The following SLC25A21 variants were observed in gnomAD, a reference collection of about 807,000 sequenced individuals.
SLC25A21 encodes the protein solute carrier family 25 member 21, also known as mitochondrial 2-oxodicarboxylate carrier.
SLC25A21 carries 47 observed loss-of-function variants against 43.8 expected under a neutral mutation model. That is an observed-to-expected ratio of 1.07 (90% CI 0.85 to 1.37). The LOEUF is 1.37. Ranked by LOEUF, SLC25A21 falls within the 40% of genes most tolerant of loss-of-function variation. The pLI, the probability that SLC25A21 is intolerant of heterozygous loss-of-function variation, is 0.00. For missense variants in SLC25A21, 352 were observed against 350.2 expected, an observed-to-expected ratio of 1.00 and a Z score of -0.04; for synonymous variants, 131 against 121.3, an observed-to-expected ratio of 1.08 and a Z score of -0.52.
chr14:37,048,656 C>A (rs1961640266), intron 1 of SLC25A21, among the ~76,000 whole-genome samples: 1 of 152,082 alleles, frequency 6.6e-6, no homozygotes, highest in Admixed American at 6.5e-5. Context: ...AGGTCCAAAA[C>A]TTTACTCTGG....
intron 1 of SLC25A21, 64 bp from the exon 2 acceptor site, chr14:36,875,068 C>A (rs1890481250): frequency 1.4e-6 from 2 of 1,402,332 alleles, no homozygotes; most frequent in Non-Finnish European, 2.0e-6. Context: ...TTTCCTTGAT[C>A]CCGTCGATTT....
At chr14:36,768,273 A>T (rs1196798636) in intron 3 of SLC25A21, among the ~76,000 whole-genome samples, 1 of 152,204 alleles carries the variant, frequency 6.6e-6, no homozygotes, top group Non-Finnish European at 1.5e-5. Flanking sequence ...CAAGCTAGAG[A>T]TACACATAAT....
At chr14:36,973,023 ATTTTAT>A (rs1401698868) in intron 1 of SLC25A21, among the ~76,000 whole-genome samples, 2 of 61,976 alleles carry the variant, frequency 3.2e-5, no homozygotes, top group Admixed American at 3.3e-4. Flanking sequence ...TTATTTATTT[ATTTTAT>A]TTTATTTTAT....
chr14:37,027,241 C>T (rs767916104), intron 1 of SLC25A21, among the ~76,000 whole-genome samples: 8 of 115,950 alleles, frequency 6.9e-5, no homozygotes, highest in Admixed American at 1.5e-4. Flanking sequence ...AATGACTTGA[C>T]AGCTAATACA....
At chr14:36,781,699 A>G (rs1234457220) in intron 3 of SLC25A21, among the ~76,000 whole-genome samples, 1 of 152,220 alleles carries the variant, frequency 6.6e-6, no homozygotes, top group East Asian at 1.9e-4. Flanking sequence ...AATTGTAGTT[A>G]TAATAATTGC....
chr14:36,744,907 C>T (rs184483764), intron 3 of SLC25A21, among the ~76,000 whole-genome samples: 32 of 151,826 alleles, frequency 2.1e-4, no homozygotes, highest in Admixed American at 1.2e-3. Context: ...ATGTACACAA[C>T]GTGCAGGTTT....
intron 1 of SLC25A21, among the ~76,000 whole-genome samples, chr14:36,920,695 T>C (rs1399165435): frequency 2.0e-5 from 3 of 151,922 alleles, no homozygotes; most frequent in Non-Finnish European, 4.4e-5. Flanking sequence ...ATAACTACAG[T>C]AGACAAAAGC....
At chr14:36,915,673 T>C (rs1201046866) in intron 1 of SLC25A21, among the ~76,000 whole-genome samples, 3 of 152,132 alleles carry the variant, frequency 2.0e-5, no homozygotes, top group Non-Finnish European at 4.4e-5. Flanking sequence ...TTGAGGTTCC[T>C]GCTGTGACAT....
intron 1 of SLC25A21, among the ~76,000 whole-genome samples, chr14:37,159,765 TAATC>T (rs753351986): frequency 3.1e-4 from 47 of 152,082 alleles, no homozygotes; most frequent in Non-Finnish European, 5.4e-4. Context: ...GCAAAAGAAA[TAATC>T]AACAGTGAAG....
At chr14:36,871,253 T>G (rs1216726931) in intron 2 of SLC25A21, among the ~76,000 whole-genome samples, 1 of 151,818 alleles carries the variant, frequency 6.6e-6, no homozygotes, top group Non-Finnish European at 1.5e-5. Flanking sequence ...GACCCTGGAG[T>G]GATGCCTTGC....
chr14:36,761,078 A>G (rs1749928), intron 3 of SLC25A21, among the ~76,000 whole-genome samples: 24,551 of 152,184 alleles, frequency 0.16, 2,237 homozygotes, highest in Middle Eastern at 0.25. Flanking sequence ...CCACAGAGAT[A>G]TTCCTCTTCC....
At chr14:36,948,801 T>G (rs892061787) in intron 1 of SLC25A21, among the ~76,000 whole-genome samples, 4 of 152,106 alleles carry the variant, frequency 2.6e-5, no homozygotes, top group Non-Finnish European at 5.9e-5. Context: ...TCATTAATAT[T>G]TTAAATTAAA....
At position 36,778,950 on chromosome 14, in the gene SLC25A21, T is replaced by C. The variant is rs184804524; in HGVS notation, c.203+34968A>G. On this transcript the variant is annotated intron_variant, in intron 3 of 9. Transcript: ENST00000331299. ...TGTATTCACCTTATAACTGAAAGTT[T>C]GTATGCTTTGACCAGCATTTATCCT... 1.5e-3 allele frequency among the ~76,000 whole-genome samples: 233 copies of C among 152,126 alleles called. 1 individual carries two copies. The highest frequency in any genetic ancestry group is 5.3e-3 in the African/African-American group (219 of 41,550).
chr14:36,906,190 G>T (rs1222439270), intron 1 of SLC25A21, among the ~76,000 whole-genome samples: 1 of 152,056 alleles, frequency 6.6e-6, no homozygotes, highest in Non-Finnish European at 1.5e-5. Context: ...CATTATAATT[G>T]TTCCTATTTT....
rs17106404 is a variant in SLC25A21 at position 37,133,195 on chromosome 14, G to A, written c.70+39086C>T. Among the ~76,000 whole-genome samples the A allele has an allele frequency of 0.016, 2,393 of 150,212 alleles. 180 individuals carry two copies. The East Asian group carries it at 0.26, about 16-fold the overall frequency. ...CACTCATGCAAACACACAAACACGAGAATCACTGGCTGATAAATATGCTGA... is the reference window on the plus strand; with the variant it reads ...CACTCATGCAAACACACAAACACGAAAATCACTGGCTGATAAATATGCTGA... On this transcript the variant is annotated intron_variant, in intron 1 of 9. Transcript: ENST00000331299.
rs916733662 is a variant in SLC25A21, at chr14:36,680,016, A to T, written c.*642T>A. On this transcript the variant is annotated 3_prime_UTR_variant, in exon 10 of 10. Transcript: ENST00000331299. ...AAATACCTATTTATTATCTTACAGC[A>T]ATATGAGATATAAAGTAGATGTAGG... 55 of 854,244 alleles carry T rather than the reference A, an allele frequency of 6.4e-5. No homozygotes were observed. The highest frequency in any genetic ancestry group is 1.3e-4 in the Admixed American group (2 of 15,972). The allele number at this position is 854,244 out of a possible 1,614,324, so 52.9% of individuals were successfully genotyped here. A position where few individuals can be genotyped will look rare whatever the true frequency, so the allele number is the denominator to read the frequency against.
intron 1 of SLC25A21, among the ~76,000 whole-genome samples, chr14:37,077,084 G>A (rs1180345023): frequency 6.6e-6 from 1 of 152,190 alleles, no homozygotes; most frequent in Admixed American, 6.5e-5. Flanking sequence ...AGATATCTGA[G>A]TAACTCAGAC....
intron 1 of SLC25A21, among the ~76,000 whole-genome samples, chr14:36,990,846 G>C (rs567729556): frequency 7.3e-5 from 11 of 151,594 alleles, no homozygotes; most frequent in African/African-American, 2.7e-4. Context: ...GCACCACTGC[G>C]CTCCAGCCTG....
At chr14:37,074,253 T>C (rs1237642861) in intron 1 of SLC25A21, among the ~76,000 whole-genome samples, 2 of 152,054 alleles carry the variant, frequency 1.3e-5, no homozygotes, top group Non-Finnish European at 2.9e-5. Flanking sequence ...TTGCTTCTAA[T>C]GATGTGGTAC....
Sources: allele counts gnomAD v4.1 joint callset (sites outside exome capture counted in the v4.1 genomes callset), GRCh38; gene constraint gnomAD v4.1.1; transcripts MANE v1.5; gene names NCBI Gene and HGNC (gene_info 2026-07-23, HGNC 2026-07-21).